MYOM1: variants seen among roughly 807,000 people sequenced by gnomAD.
MYOM1 encodes the protein myomesin 1.
A neutral mutation model predicts 205.3 loss-of-function variants in MYOM1; 164 were observed. The observed-to-expected ratio is 0.80, with a 90% CI of 0.70 to 0.91. The LOEUF (loss-of-function observed/expected upper bound fraction) is 0.91. MYOM1 is among the 40% of genes least tolerant of loss of function. The probability of loss-of-function intolerance (pLI) is 0.00; values close to 1 mark genes in which losing one functional copy is unlikely to be tolerated. For missense variants in MYOM1, 2,011 were observed against 2,127.3 expected, an observed-to-expected ratio of 0.95 and a Z score of 1.08; for synonymous variants, 772 against 789.4, an observed-to-expected ratio of 0.98 and a Z score of 0.37.
intron 16 of MYOM1, among the ~76,000 whole-genome samples, chr18:3,133,780 G>A (rs75915380): frequency 0.015 from 2,280 of 152,266 alleles, 48 homozygotes; most frequent in African/African-American, 0.051. Context: ...AACATCATAA[G>A]TGAACCTTTT....
rs889605759 is a variant in MYOM1 at position 3,152,816 on chromosome 18, G to C, written c.1644-923C>G. On this transcript the variant is annotated intron_variant, in intron 11 of 37. Transcript: ENST00000356443. The surrounding 1 kb of genome is among the most constrained non-coding windows in gnomAD (Gnocchi z 4.3). ...GGTTGCCAGTGGCAGGACAGAGGTGGCTGGTGTGGGGGGTGTATCTCCCCT... is the reference window on the plus strand; with the variant it reads ...GGTTGCCAGTGGCAGGACAGAGGTGCCTGGTGTGGGGGGTGTATCTCCCCT... 3.3e-5 allele frequency among the ~76,000 whole-genome samples: 5 copies of C among 152,142 alleles called. No individual in the cohort carries two copies. Among genetic ancestry groups the C allele is most frequent in the African/African-American group, 1.2e-4 (5 of 41,416 alleles).
At chr18:3,148,892 T>C (rs1382645699) in intron 13 of MYOM1, among the ~76,000 whole-genome samples, 2 of 146,114 alleles carry the variant, frequency 1.4e-5, no homozygotes, top group African/African-American at 5.0e-5. Context: ...GATGGTTTCA[T>C]GGGTATATAC....
At chr18:3,164,191 C>A in intron 10 of MYOM1, 87 bp downstream of exon 10, 1 of 1,374,036 alleles carries the variant, frequency 7.3e-7, no homozygotes. Flanking sequence ...CATTATGAAA[C>A]ATGTTTGAAC....
chr18:3,217,083 G>C (rs557955280), intron 1 of MYOM1: 220 of 152,696 alleles, frequency 1.4e-3, no homozygotes, highest in Non-Finnish European at 2.8e-3. Context: ...GCCGAGAAGA[G>C]ACCTGAGAAG....
the MYOM1 span, among the ~76,000 whole-genome samples, chr18:3,227,089 T>G: frequency 1.3e-5 from 2 of 152,230 alleles, no homozygotes; most frequent in East Asian, 3.8e-4. Context: ...TTTCTAACAT[T>G]TTTTGTCTCT....
chr18:3,118,826 GTC>G (rs1001440388), intron 20 of MYOM1, among the ~76,000 whole-genome samples: 4 of 152,136 alleles, frequency 2.6e-5, no homozygotes, highest in East Asian at 3.9e-4. Flanking sequence ...CAATGTGTTT[GTC>G]TCTCTCTATT....
intron 2 of MYOM1, among the ~76,000 whole-genome samples, chr18:3,197,876 A>T (rs2081014014): frequency 2.0e-5 from 3 of 148,554 alleles, no homozygotes; most frequent in Admixed American, 2.0e-4. Context: ...CCATCTCAAA[A>T]AAGAAAAAGA....
At chr18:3,245,492 G>C in the MYOM1 span, among the ~76,000 whole-genome samples, 1 of 152,224 alleles carries the variant, frequency 6.6e-6, no homozygotes, top group Non-Finnish European at 1.5e-5. Context: ...CAGAGTCAGA[G>C]GCCTTTGATG....
intron 10 of MYOM1, among the ~76,000 whole-genome samples, chr18:3,155,426 G>A (rs11875416): frequency 0.02 from 3,119 of 152,250 alleles, 40 homozygotes; most frequent in Middle Eastern, 0.031. Context: ...GGGTTTCACC[G>A]TGTTAGCCAG....
At chr18:3,131,853 A>C (rs1343054912) in intron 16 of MYOM1, among the ~76,000 whole-genome samples, 1 of 151,952 alleles carries the variant, frequency 6.6e-6, no homozygotes, top group East Asian at 1.9e-4. Flanking sequence ...TCTGTCAAAA[A>C]ATGAGGAGCC....
intron 36 of MYOM1, among the ~76,000 whole-genome samples, chr18:3,075,038 G>A (rs1327546800): frequency 5.3e-5 from 8 of 152,070 alleles, no homozygotes; most frequent in African/African-American, 1.2e-4. Context: ...CAGGTGATCC[G>A]CCCACCTCGG....
intron 29 of MYOM1, among the ~76,000 whole-genome samples, chr18:3,087,488 CTTT>C (rs5822735): frequency 6.5e-5 from 8 of 122,682 alleles, no homozygotes; most frequent in Non-Finnish European, 3.4e-5. Flanking sequence ...CTCCTACGTT[CTTT>C]TTTTTTTTTT....
chr18:3,127,602 C>T (rs1177507060), intron 18 of MYOM1, among the ~76,000 whole-genome samples: 1 of 152,128 alleles, frequency 6.6e-6, no homozygotes, highest in South Asian at 2.1e-4. Flanking sequence ...AATCACCACA[C>T]CTGGCCCAGA....
In MYOM1 at chr18:3,215,053, C is replaced by T. The variant is rs780080774; in HGVS notation, c.171G>A (p.Glu57=). Residue 57 remains glutamate, a synonymous_variant, in exon 2 of 38, where the codon GAG becomes GAA. Transcript: ENST00000356443. The part of the protein sequence containing the change: ...SSRSSAAHRR[E]SEAFRRASAS... ...CGGACGCCCGACGGAAGGCCTCGGA[C>T]TCCCGGCGGTGCGCGGCGGAGGAGC... The T allele has an allele frequency of 5.6e-6, 9 of 1,613,308 alleles. No individual in the cohort carries two copies. The highest frequency in any genetic ancestry group is 1.7e-5 in the Admixed American group (1 of 59,980).
the MYOM1 span, among the ~76,000 whole-genome samples, chr18:3,244,410 G>A: frequency 6.6e-6 from 1 of 152,160 alleles, no homozygotes; most frequent in Non-Finnish European, 1.5e-5. Flanking sequence ...ACTGTATCTG[G>A]AGATATAATT....
At chr18:3,191,365 A>G (rs1055790530) in intron 3 of MYOM1, among the ~76,000 whole-genome samples, 2 of 152,160 alleles carry the variant, frequency 1.3e-5, no homozygotes, top group African/African-American at 2.4e-5. Context: ...TGGGACTTTC[A>G]ATTCTTTACC....
chr18:3,115,255 G>C (rs1203291553), intron 21 of MYOM1, among the ~76,000 whole-genome samples: 1 of 152,140 alleles, frequency 6.6e-6, no homozygotes, highest in Non-Finnish European at 1.5e-5. Flanking sequence ...TATTTCTTCA[G>C]AGTTTTGCAA....
intron 13 of MYOM1, among the ~76,000 whole-genome samples, chr18:3,148,844 CAAAAAAAAAAAAAAA>C (rs71159049): frequency 6.0e-4 from 29 of 47,948 alleles, no homozygotes; most frequent in Non-Finnish European, 7.6e-4. Flanking sequence ...AGACTCCATC[CAAAAAAAAAAAAAAA>C]AAAAAAAAAA....
the MYOM1 span, among the ~76,000 whole-genome samples, chr18:3,243,715 T>C: frequency 1.3e-5 from 2 of 152,206 alleles, no homozygotes; most frequent in Admixed American, 1.3e-4. Flanking sequence ...GGTTCTTTCA[T>C]TACCTTTTGG....
Sources: gnomAD v4.1 joint callset for allele counts (sites outside exome capture counted in the v4.1 genomes callset) on GRCh38, gnomAD v4.1.1 for gene constraint, Gnocchi (gnomAD v3.1) non-coding constraint, MANE v1.5 for transcripts, NCBI Gene and HGNC (gene_info 2026-07-23, HGNC 2026-07-21) for gene names.